The following AURKC variants were observed in gnomAD, a reference collection of about 807,000 sequenced individuals.
The protein encoded by AURKC is aurora kinase C, also known as ARK-3.
In AURKC, 15 loss-of-function variants were observed where a neutral mutation model predicts 29.2. The observed-to-expected ratio is 0.51, with a 90% CI of 0.34 to 0.79. The LOEUF is 0.79. Among genes scored for constraint, AURKC ranks in the 30% least tolerant of loss-of-function variants. The probability of loss-of-function intolerance (pLI) is 0.01; values close to 1 mark genes in which losing one functional copy is unlikely to be tolerated. For missense variants in AURKC, 332 were observed against 383.2 expected, an observed-to-expected ratio of 0.87 and a Z score of 1.12; for synonymous variants, 150 against 149.9, an observed-to-expected ratio of 1.00 and a Z score of -0.01.
At chr19:57,233,662 C>A in intron 5 of AURKC, 54 bp downstream of exon 5, 1 of 1,610,164 alleles carries the variant, frequency 6.2e-7, no homozygotes, top group Non-Finnish European at 8.5e-7. Context: ...AGGAATGACC[C>A]AGTTTAATGT....
chr19:57,235,253 G>A lies in AURKC; in HGVS notation c.766G>A (p.Val256Met). The change falls in exon 7 of 7, where the codon GTG becomes ATG. Residue 256 changes from valine to methionine, a missense_variant. Coordinates refer to ENST00000302804, the MANE Select transcript of AURKC (RefSeq NM_001015878.2). ...TCTTTCCTGGCCTCATCAGGTAGAT[G>A]TGAGGTTTCCACTATCAATGCCTCT... Reference protein sequence around the residue: ...ETYRRILKVDVRFPLSMPLGA... With the variant: ...ETYRRILKVDMRFPLSMPLGA... 1 of 1,614,220 alleles carries A rather than the reference G, an allele frequency of 6.2e-7. No homozygotes were observed. The highest frequency in any genetic ancestry group is 8.5e-7 in the Non-Finnish European group (1 of 1,180,032).
Position 57,232,045 on chromosome 19 carries a change from A to T in AURKC, c.117A>T (p.Thr39=), listed in dbSNP as rs1192067559. 1 of 1,614,134 alleles carries T rather than the reference A, an allele frequency of 6.2e-7. No individual in the cohort carries two copies. Among genetic ancestry groups the T allele is most frequent in the Admixed American group, 1.7e-5 (1 of 60,016 alleles). The change falls in exon 3 of 7, where the codon ACA becomes ACT. Residue 39 remains threonine (T), a synonymous_variant. Transcript: ENST00000302804. The surrounding 1 kb of genome is among the most constrained non-coding windows in gnomAD (Gnocchi z 4.5). ...CCTCTCCTGTCAGGCGGCGCCTCAC[A>T]GTCGATGACTTTGAAATCGGGCGTC... ...QPSSPAMRRL[T]VDDFEIGRPL...
rs765699626 is a variant in AURKC, at chr19:57,235,406, A to C, written c.919A>C (p.Met307Leu). Residue 307 changes from methionine to leucine, a missense_variant, in exon 7 of 7, where the codon ATG becomes CTG. Met to Leu is a conservative substitution (Grantham distance 15). Coordinates refer to ENST00000302804, the MANE Select transcript of AURKC (RefSeq NM_001015878.2). Reference sequence around the variant, plus strand: ...AAGGGTGCTGCCTCCCTGTGCTCAGATGGCTTCCTGAGCCCTGTCTGCCTC... The same window carrying C: ...AAGGGTGCTGCCTCCCTGTGCTCAGCTGGCTTCCTGAGCCCTGTCTGCCTC... Reference protein sequence around the residue: ...SRRVLPPCAQMAS With the variant: ...SRRVLPPCAQLAS 6.2e-7 allele frequency: 1 copy of C among 1,613,754 alleles called. No homozygotes were observed.
At chr19:57,234,556 C>T (rs938270900) in intron 5 of AURKC, among the ~76,000 whole-genome samples, 1 of 152,030 alleles carries the variant, frequency 6.6e-6, no homozygotes, top group Admixed American at 6.6e-5. Flanking sequence ...ATTTTCTTAC[C>T]ATAATTTATT....
In AURKC at chr19:57,235,507, A is replaced by G. The variant is rs1599977810; in HGVS notation, c.*90A>G. ...TGTCTTTATTTTTTTCTCTTTTAAG[A>G]TGTAAGATGCTAATTAATAAAAGCT... On this transcript the variant is annotated 3_prime_UTR_variant, in exon 7 of 7. Coordinates refer to ENST00000302804, the MANE Select transcript of AURKC (RefSeq NM_001015878.2). 1 of 1,484,750 alleles carries G rather than the reference A, an allele frequency of 6.7e-7. No individual in the cohort carries two copies. The highest frequency in any genetic ancestry group is 9.3e-7 in the Non-Finnish European group (1 of 1,071,746). 92.0% of individuals were successfully genotyped at this position (1,484,750 alleles called of 1,614,324 possible).
In AURKC at chr19:57,231,227, C is replaced by T. The variant is rs372070124; in HGVS notation, c.-22C>T. 8 of 1,551,688 alleles carry T rather than the reference C, an allele frequency of 5.2e-6. No homozygotes were observed. Among genetic ancestry groups the T allele is most frequent in the East Asian group, 2.4e-5 (1 of 40,904 alleles). ...CATCCAGAGGGTTCAGGAAGGCGTC[C>T]GCGCCCTCACCTCTTCTCCCCATGA... On this transcript the variant is annotated 5_prime_UTR_variant, in exon 1 of 7. Coordinates refer to ENST00000302804, the MANE Select transcript of AURKC (RefSeq NM_001015878.2).
chr19:57,231,605 CTCTT>C, intron 1 of AURKC, 133 bp from the exon 2 acceptor site: 1 of 950,216 alleles, frequency 1.1e-6, no homozygotes, highest in African/African-American at 1.6e-5. Context: ...CCCCTTCCCT[CTCTT>C]TCTCTCCTCC....
Position 57,233,468 on chromosome 19 carries a change from G to A in AURKC, c.444G>A (p.Glu148=), listed in dbSNP as rs1333950412. ...TTTCTTTGCACCCACAGATAATAGA[G>A]GAGTTGGCAGATGCCCTGACCTACT... The part of the protein sequence containing the change: ...LDEQRTATII[E]ELADALTYCH... Residue 148 remains glutamate (E), a synonymous_variant, in exon 5 of 7, where the codon GAG becomes GAA. Transcript: ENST00000302804. 1.9e-6 allele frequency: 3 copies of A among 1,614,200 alleles called. No individual in the cohort carries two copies. In the South Asian group the frequency reaches 3.3e-5, roughly 18 times the overall value.
At position 57,235,283 on chromosome 19, in the gene AURKC, G is replaced by A; in HGVS notation, c.796G>A (p.Ala266Thr). ...VRFPLSMPLGARDLISRLLRY... is the reference protein window; with the variant it reads ...VRFPLSMPLGTRDLISRLLRY... ...GTTTCCACTATCAATGCCTCTGGGG[G>A]CCCGGGACTTGATTTCCAGGCTTCT... The change falls in exon 7 of 7, where the codon GCC (alanine) becomes ACC (threonine). Residue 266 changes from alanine to threonine, a missense_variant. Ala to Thr is a moderately conservative substitution (Grantham distance 58, BLOSUM62 0). Transcript: ENST00000302804. The A allele has an allele frequency of 6.2e-7, 1 of 1,614,176 alleles. No individual in the cohort carries two copies. The highest frequency in any genetic ancestry group is 2.2e-5 in the East Asian group (1 of 44,878).
rs777770461 is a variant in AURKC, at chr19:57,235,424, T to C, written c.*7T>C. 24 of 1,613,276 alleles carry C rather than the reference T, an allele frequency of 1.5e-5. No homozygotes were observed. The highest frequency in any genetic ancestry group is 5.0e-5 in the Admixed American group (3 of 60,004). On this transcript the variant is annotated 3_prime_UTR_variant, in exon 7 of 7. Coordinates refer to ENST00000302804, the MANE Select transcript of AURKC (RefSeq NM_001015878.2). ...TGCTCAGATGGCTTCCTGAGCCCTG[T>C]CTGCCTCTGTTCCCTTTGTGTGTGT...
rs2087484303 is a variant in AURKC, at chr19:57,231,191, A to G, written c.-58A>G. On this transcript the variant is annotated 5_prime_UTR_variant, in exon 1 of 7. Coordinates refer to ENST00000302804, the MANE Select transcript of AURKC (RefSeq NM_001015878.2). ...CCCCACCCCTTTCAGGACCCTGTGAACGGGAACAGCCATCCAGAGGGTTCA... is the reference window on the plus strand; with the variant it reads ...CCCCACCCCTTTCAGGACCCTGTGAGCGGGAACAGCCATCCAGAGGGTTCA... The G allele has an allele frequency of 6.4e-6, 10 of 1,551,344 alleles. No homozygotes were observed. The highest frequency in any genetic ancestry group is 2.0e-5 in the Admixed American group (1 of 50,962).
At chr19:57,231,917 G>A in intron 2 of AURKC, 116 bp from the exon 3 acceptor site, 1 of 1,605,170 alleles carries the variant, frequency 6.2e-7, no homozygotes, top group Non-Finnish European at 8.5e-7. Flanking sequence ...TGTGTGAGAA[G>A]GGAAAGCGGC....
chr19:57,233,311 C>A, intron 4 of AURKC, 149 bp from the exon 5 acceptor site: 1 of 1,151,866 alleles, frequency 8.7e-7, no homozygotes. Flanking sequence ...ACCCCACACA[C>A]CAGTAACTGG....
Position 57,231,778 on chromosome 19 carries a change from G to C in AURKC, c.95G>C (p.Ser32Thr). Residue 32 changes from serine to threonine, a missense_variant, in exon 2 of 7, where the codon AGC becomes ACC. By Grantham distance (58) the Ser-to-Thr change is moderately conservative (BLOSUM62 1). Transcript: ENST00000302804. ...AACCAAACAGCCCAGCAGCCCAGCAGCCCAGCCATGTGAGTCCCTTGGGAT... is the reference window on the plus strand; with the variant it reads ...AACCAAACAGCCCAGCAGCCCAGCACCCCAGCCATGTGAGTCCCTTGGGAT... ...TANQTAQQPS[S>T]PAMRRLTVDD... 6.2e-7 allele frequency: 1 copy of C among 1,613,886 alleles called. No individual in the cohort carries two copies. The highest frequency in any genetic ancestry group is 8.5e-7 in the Non-Finnish European group (1 of 1,179,964).
At position 57,235,411 on chromosome 19, in the gene AURKC, T is replaced by G. The variant is rs1262254675; in HGVS notation, c.924T>G (p.Ala308=). 1 of 1,613,744 alleles carries G rather than the reference T, an allele frequency of 6.2e-7. No individual in the cohort carries two copies. The highest frequency in any genetic ancestry group is 8.5e-7 in the Non-Finnish European group (1 of 1,180,040). ...RRVLPPCAQM[A]S ...TGCTGCCTCCCTGTGCTCAGATGGC[T>G]TCCTGAGCCCTGTCTGCCTCTGTTC... is the stretch of plus-strand genomic sequence containing the variant. Residue 308 remains alanine (A), a synonymous_variant, in exon 7 of 7, where the codon GCT becomes GCG. Coordinates refer to ENST00000302804, the MANE Select transcript of AURKC (RefSeq NM_001015878.2).
chr19:57,235,022 C>T lies in AURKC; in HGVS notation c.723C>T (p.Ser241=), dbSNP rs752596883. 8 of 1,614,108 alleles carry T rather than the reference C, an allele frequency of 5.0e-6. No individual in the cohort carries two copies. Among genetic ancestry groups the T allele is most frequent in the African/African-American group, 1.3e-5 (1 of 75,012 alleles). ...TGGTGGGATATCCACCCTTTGAGAG[C>T]GCCTCCCACAGTGAGACTTACAGAC... is the stretch of plus-strand genomic sequence containing the variant. ...ELLVGYPPFE[S]ASHSETYRRI... is the part of the protein sequence containing the mutation. The change falls in exon 6 of 7, where the codon AGC becomes AGT. Residue 241 remains serine, a synonymous_variant. Coordinates refer to ENST00000302804, the MANE Select transcript of AURKC (RefSeq NM_001015878.2).
rs1479075606 is a variant in AURKC at position 57,231,537 on chromosome 19, CTACCT to C, written c.59-196_59-192del. On this transcript the variant is annotated intron_variant, in intron 1 of 6. Coordinates refer to ENST00000302804, the MANE Select transcript of AURKC (RefSeq NM_001015878.2). ...TCTTCTTCACCTCCTCCTCCCCTCC[CTACCT>C]TACCTTACTCTTTCTTCTTCCCCTT... 27 of 746,318 alleles carry C rather than the reference CTACCT, an allele frequency of 3.6e-5. No homozygotes were observed. The Admixed American group carries it at 5.3e-4, about 15-fold the overall frequency. 46.2% of individuals were successfully genotyped at this position (746,318 alleles called of 1,614,324 possible).
chr19:57,231,586 C>A, intron 1 of AURKC, 156 bp from the exon 2 acceptor site: 1 of 833,370 alleles, frequency 1.2e-6, no homozygotes, highest in South Asian at 1.6e-5. Flanking sequence ...CTCCCCCTCT[C>A]CCTGCCTTCC....
chr19:57,232,613 C>A lies in AURKC; in HGVS notation c.368C>A (p.Ala123Asp), dbSNP rs774633250. Residue 123 changes from alanine (A) to aspartate (D), a missense_variant, in exon 4 of 7, where the codon GCT (alanine) becomes GAT (aspartate). Physicochemically the swap from Ala to Asp is moderately radical, Grantham distance 126 (BLOSUM62 -2). Coordinates refer to ENST00000302804, the MANE Select transcript of AURKC (RefSeq NM_001015878.2). The surrounding 1 kb of genome is among the most constrained non-coding windows in gnomAD (Gnocchi z 4.5). ...CGGGTGTACCTGATTCTGGAATATGCTCCAAGGGGTGAGCTCTACAAGGAG... is the reference window on the plus strand; with the variant it reads ...CGGGTGTACCTGATTCTGGAATATGATCCAAGGGGTGAGCTCTACAAGGAG... ...ARRVYLILEY[A>D]PRGELYKELQ... The A allele has an allele frequency of 6.2e-7, 1 of 1,614,144 alleles. No individual in the cohort carries two copies. Among genetic ancestry groups the A allele is most frequent in the South Asian group, 1.1e-5 (1 of 91,084 alleles).
Sources: gnomAD v4.1 joint callset for allele counts (sites outside exome capture counted in the v4.1 genomes callset) on GRCh38, gnomAD v4.1.1 for gene constraint, Gnocchi (gnomAD v3.1) non-coding constraint, MANE v1.5 for transcripts, NCBI Gene and HGNC (gene_info 2026-07-23, HGNC 2026-07-21) for gene names.